The following FKBP14 variants were observed in gnomAD, a reference collection of about 807,000 sequenced individuals.
FKBP14 encodes FKBP prolyl isomerase 14.
In FKBP14, 20 loss-of-function variants were observed where a neutral mutation model predicts 21.6. That is an observed-to-expected ratio of 0.92 (90% CI 0.65 to 1.34). The LOEUF (loss-of-function observed/expected upper bound fraction) is 1.34. FKBP14 is among the 40% of genes most tolerant of loss of function. The pLI, the probability that FKBP14 is intolerant of heterozygous loss-of-function variation, is 0.00. For missense variants in FKBP14, 253 were observed against 249.0 expected (o/e 1.02, Z -0.11); for synonymous variants, 79 against 86.7 (o/e 0.91, Z 0.49).
downstream of FKBP14, among the ~76,000 whole-genome samples, chr7:30,006,123 T>G (rs1789609773): frequency 6.7e-6 from 1 of 149,572 alleles, no homozygotes; most frequent in Admixed American, 6.7e-5. Flanking sequence ...AGTCTTTTTT[T>G]TTTTTTTTTT....
chr7:30,018,881 T>A (rs1202691265), intron 3 of FKBP14, 115 bp downstream of exon 3: 2 of 1,048,490 alleles, frequency 1.9e-6, no homozygotes, highest in Non-Finnish European at 1.3e-6. Flanking sequence ...TAAATAAAAG[T>A]AGATTTGAAA....
In FKBP14 at chr7:30,026,315, G is replaced by A. The variant is rs1446311467; in HGVS notation, c.194C>T (p.Ser65Phe). 1 of 1,603,200 alleles carries A rather than the reference G, an allele frequency of 6.2e-7. No individual in the cohort carries two copies. The highest frequency in any genetic ancestry group is 1.7e-5 in the Admixed American group (1 of 58,280). ...YLEKDGSLFH[S>F]THKHNNGQPI... ...CCTGCGGGGCATAATTACTTACGTG[G>A]AGTGAAATAAGGAGCCGTCCTTTTC... Residue 65 changes from serine to phenylalanine, a missense_variant, in exon 1 of 4, where the codon TCC becomes TTC. Ser to Phe is a radical substitution (Grantham distance 155). Transcript: ENST00000222803.
chr7:30,020,739 A>G (rs1461372141), intron 2 of FKBP14, among the ~76,000 whole-genome samples: 1 of 152,194 alleles, frequency 6.6e-6, no homozygotes, highest in Non-Finnish European at 1.5e-5. Flanking sequence ...AGAAAGTGAA[A>G]CCACAGGTAA....
chr7:30,009,979 CAA>C (rs771914497), downstream of FKBP14, among the ~76,000 whole-genome samples: 14 of 151,814 alleles, frequency 9.2e-5, no homozygotes, highest in East Asian at 1.9e-3. Flanking sequence ...AGCCTGGCAA[CAA>C]GAGCGAAACT....
Position 30,011,107 on chromosome 7 carries a change from C to A in FKBP14, c.*3628G>T, listed in dbSNP as rs2127945152. 6.6e-6 allele frequency: 1 copy of A among 151,928 alleles called. No homozygotes were observed. Among genetic ancestry groups the A allele is most frequent in the African/African-American group, 2.4e-5 (1 of 41,422 alleles). The allele number at this position is 151,928 out of a possible 1,614,324, so 9.4% of individuals were successfully genotyped here. A position where few individuals can be genotyped will look rare whatever the true frequency, so the allele number is the denominator to read the frequency against. Reference sequence around the variant, plus strand: ...CCAGACTAGAGTGCAGTGGTTCGATCTTGGCTCACTGCAACCTCCACCTCC... The same window carrying A: ...CCAGACTAGAGTGCAGTGGTTCGATATTGGCTCACTGCAACCTCCACCTCC... On this transcript the variant is annotated 3_prime_UTR_variant, in exon 4 of 4. Coordinates refer to ENST00000222803, the MANE Select transcript of FKBP14 (RefSeq NM_017946.4).
In FKBP14 at chr7:30,014,813, A is replaced by G. The variant is rs1789837091; in HGVS notation, c.558T>C (p.Asp186=). The G allele has an allele frequency of 1.9e-6, 3 of 1,611,494 alleles. No individual in the cohort carries two copies. The highest frequency in any genetic ancestry group is 2.5e-6 in the Non-Finnish European group (3 of 1,179,226). The change falls in exon 4 of 4, where the codon GAT becomes GAC. Residue 186 remains aspartate, a synonymous_variant. Transcript: ENST00000222803. Reference sequence around the variant, plus strand: ...TGTCTTCATCTTCTTTATCAAAAATATCCTCCACCAAAGCATCATGATGAC... The same window carrying G: ...TGTCTTCATCTTCTTTATCAAAAATGTCCTCCACCAAAGCATCATGATGAC... The part of the protein sequence containing the change: ...NESHHDALVE[D]IFDKEDEDKD...
chr7:30,015,226 C>T (rs1007895228), intron 3 of FKBP14, among the ~76,000 whole-genome samples: 2 of 151,684 alleles, frequency 1.3e-5, no homozygotes, highest in East Asian at 1.9e-4. Flanking sequence ...TCAGCCTGGC[C>T]GACATAATGA....
rs777541803 is a variant in FKBP14 at position 30,014,737 on chromosome 7, A to C, written c.634T>G (p.Ter212GluextTer52). 6.3e-7 allele frequency: 1 copy of C among 1,589,960 alleles called. No individual in the cohort carries two copies. The highest frequency in any genetic ancestry group is 1.4e-5 in the African/African-American group (1 of 74,072). Reference protein sequence around the residue: ...REFTYKHDEL* With the variant: ...REFTYKHDELE ...ATATTAAAAGGGTAGATGTATCTCT[A>C]TAACTCATCGTGTTTATATGTAAAT... Residue 212 changes from the stop codon to glutamate (E), a stop_lost, in exon 4 of 4, where the codon TAG becomes GAG. Transcript: ENST00000222803.
At chr7:30,009,927 A>T (rs1355009887), downstream of FKBP14, among the ~76,000 whole-genome samples, 1 of 152,062 alleles carries the variant, frequency 6.6e-6, no homozygotes, top group East Asian at 1.9e-4. Context: ...TGAACCTGGG[A>T]GGCGGAGGTT....
intron 3 of FKBP14, among the ~76,000 whole-genome samples, chr7:30,017,634 C>T (rs1374385564): frequency 6.6e-6 from 1 of 151,966 alleles, no homozygotes; most frequent in East Asian, 1.9e-4. Context: ...GTCTTGAAGT[C>T]TCAGCCTCAA....
At chr7:30,008,976 T>C (rs1294343600), downstream of FKBP14, among the ~76,000 whole-genome samples, 1 of 151,434 alleles carries the variant, frequency 6.6e-6, no homozygotes, top group Non-Finnish European at 1.5e-5. Context: ...CTAAGGATGC[T>C]AAGACACAGA....
At chr7:30,014,994 A>G (rs1164257581) in intron 3 of FKBP14, 101 bp from the exon 4 acceptor site, 1 of 642,338 alleles carries the variant, frequency 1.6e-6, no homozygotes, top group Admixed American at 3.2e-5. Context: ...TTAGTTCATT[A>G]ACTAAATATA....
At chr7:30,016,095 TG>T in intron 3 of FKBP14, among the ~76,000 whole-genome samples, 1 of 151,986 alleles carries the variant, frequency 6.6e-6, no homozygotes, top group South Asian at 2.1e-4. Context: ...TTTGTAGAGA[TG>T]GGGTTTCACC....
intron 3 of FKBP14, among the ~76,000 whole-genome samples, chr7:30,015,340 C>A (rs1391405249): frequency 6.6e-6 from 1 of 151,972 alleles, no homozygotes; most frequent in Admixed American, 6.6e-5. Context: ...ATCGCTTGAA[C>A]CTGGAAGGCA....
intron 3 of FKBP14, 81 bp downstream of exon 3, chr7:30,018,915 T>C: frequency 7.0e-7 from 1 of 1,438,802 alleles, no homozygotes; most frequent in Non-Finnish European, 9.5e-7. Context: ...ATTTAAAAAG[T>C]GAGTTACAAA....
At chr7:30,006,945 A>G (rs1248110015), downstream of FKBP14, among the ~76,000 whole-genome samples, 1 of 152,172 alleles carries the variant, frequency 6.6e-6, no homozygotes, top group African/African-American at 2.4e-5. Context: ...ATGTATCCAA[A>G]CTGAAATTTT....
intron 2 of FKBP14, among the ~76,000 whole-genome samples, chr7:30,020,985 A>G (rs908570869): frequency 6.6e-6 from 1 of 152,216 alleles, no homozygotes; most frequent in African/African-American, 2.4e-5. Flanking sequence ...TTCTCAGGAA[A>G]TGGGCTGTGA....
Position 30,026,644 on chromosome 7 carries a change from G to A in FKBP14, c.-136C>T. 2 of 714,418 alleles carry A rather than the reference G, an allele frequency of 2.8e-6. No homozygotes were observed. Among genetic ancestry groups the A allele is most frequent in the Non-Finnish European group, 4.4e-6 (2 of 449,664 alleles). The allele number at this position is 714,418 out of a possible 1,614,324, so 44.3% of individuals were successfully genotyped here. A position where few individuals can be genotyped will look rare whatever the true frequency, so the allele number is the denominator to read the frequency against. On this transcript the variant is annotated 5_prime_UTR_variant, in exon 1 of 4. Transcript: ENST00000222803. ...GGACTCCCCCTTCTTAGAAGACGTG[G>A]CACATTTACCACCAACTCTTTTCTC... is the stretch of plus-strand genomic sequence containing the variant.
chr7:30,015,261 A>G (rs1789850804), intron 3 of FKBP14, among the ~76,000 whole-genome samples: 1 of 151,620 alleles, frequency 6.6e-6, no homozygotes, highest in Non-Finnish European at 1.5e-5. Flanking sequence ...TAAAAATACA[A>G]AAAAAAGTTA....
Sources: gnomAD v4.1 joint callset for allele counts (sites outside exome capture counted in the v4.1 genomes callset) on GRCh38, gnomAD v4.1.1 for gene constraint, MANE v1.5 for transcripts, NCBI Gene and HGNC (gene_info 2026-07-23, HGNC 2026-07-21) for gene names.